Variants in LRIG2 observed in about 807,000 individuals in gnomAD.
LRIG2 encodes the protein leucine rich repeats and immunoglobulin like domains 2.
Under a neutral mutation model 107.8 loss-of-function variants are expected in LRIG2, and 93 were observed. The observed-to-expected ratio is 0.86, with a 90% CI of 0.73 to 1.03. LRIG2 has a LOEUF of 1.03. Among genes scored for constraint, LRIG2 ranks in the 50% least tolerant of loss-of-function variants. The pLI, the probability that LRIG2 is intolerant of heterozygous loss-of-function variation, is 0.00. For missense variants in LRIG2, 1,226 were observed against 1,296.0 expected, an observed-to-expected ratio of 0.95 and a Z score of 0.83; for synonymous variants, 471 against 470.6, an observed-to-expected ratio of 1.00 and a Z score of -0.01.
At position 113,109,231 on chromosome 1, in the gene LRIG2, G is replaced by A. The variant is rs1028370550; in HGVS notation, c.1478-1011G>A. Among the ~76,000 whole-genome samples, 9 of 152,076 alleles carry A rather than the reference G, an allele frequency of 5.9e-5. No homozygotes were observed. The East Asian group carries it at 1.7e-3, about 29-fold the overall frequency. On this transcript the variant is annotated intron_variant, in intron 12 of 17. Transcript: ENST00000361127. Reference sequence around the variant, plus strand: ...CCCCTTCCACTTAACTGCTTTTATGGCACAATGAAATGTTATCCAGTGGAG... The same window carrying A: ...CCCCTTCCACTTAACTGCTTTTATGACACAATGAAATGTTATCCAGTGGAG...
chr1:113,121,410 C>T (rs540945460), intron 17 of LRIG2, among the ~76,000 whole-genome samples: 8 of 152,130 alleles, frequency 5.3e-5, no homozygotes, highest in Non-Finnish European at 7.4e-5. Context: ...CATCAGCTTT[C>T]ATCCTTCTGT....
Position 113,100,444 on chromosome 1 carries a change from G to T in LRIG2, c.1269G>T (p.Met423Ile). 1 of 1,539,918 alleles carries T rather than the reference G, an allele frequency of 6.5e-7. No homozygotes were observed. Among genetic ancestry groups the T allele is most frequent in the Non-Finnish European group, 8.9e-7 (1 of 1,117,518 alleles). ...GAGATTTGAACAATAATGCTATAAT[G>T]TCTATCCAAGAAAATGCTTTTTCTC... ...EHLDLNNNAI[M>I]SIQENAFSQT... Residue 423 changes from methionine to isoleucine, a missense_variant, in exon 11 of 18, where the codon ATG becomes ATT. By Grantham distance (10) the Met-to-Ile change is conservative. Around this residue, in one of 3 missense-constraint regions of LRIG2, gnomAD observed 570 missense variants for 550.2 expected, o/e 1.04. Coordinates refer to ENST00000361127, the MANE Select transcript of LRIG2 (RefSeq NM_014813.3).
chr1:113,110,990 TTGTG>T (rs71087153), intron 13 of LRIG2, among the ~76,000 whole-genome samples: 2 of 149,632 alleles, frequency 1.3e-5, no homozygotes, highest in Middle Eastern at 3.4e-3. Context: ...ACAGGATCAT[TTGTG>T]TGTGTGTGTG....
intron 1 of LRIG2, among the ~76,000 whole-genome samples, chr1:113,090,695 G>A (rs1048841615): frequency 9.3e-5 from 14 of 151,252 alleles, no homozygotes; most frequent in Admixed American, 7.2e-4. Context: ...AAAATTAGCC[G>A]GGCGTGGTGG....
In LRIG2 at chr1:113,119,370, C is replaced by T; in HGVS notation, c.2818C>T (p.Gln940Ter). The stretch of plus-strand genomic sequence containing the variant: ...TCAGACACTGTCCAGCCTCATGGTC[C>T]AAATGCCTAAAGAGACATATTTAGT... ...LDQTLSSLMV[Q>*]MPKETYLVHP... The change falls in exon 17 of 18, where the codon CAA becomes TAA. Residue 940 changes from glutamine to a stop codon, truncating the protein, a stop_gained. Coordinates refer to ENST00000361127, the MANE Select transcript of LRIG2 (RefSeq NM_014813.3). LOFTEE classifies it high-confidence loss of function. The T allele has an allele frequency of 6.2e-7, 1 of 1,613,962 alleles. No homozygotes were observed. The highest frequency in any genetic ancestry group is 8.5e-7 in the Non-Finnish European group (1 of 1,180,010).
chr1:113,082,908 G>A (rs1380150706), intron 1 of LRIG2, among the ~76,000 whole-genome samples: 1 of 151,926 alleles, frequency 6.6e-6, no homozygotes, highest in Non-Finnish European at 1.5e-5. Flanking sequence ...CACCCACCTT[G>A]GCTTCCCAAA....
chr1:113,122,821 C>T (rs1202909952), intron 17 of LRIG2, among the ~76,000 whole-genome samples: 6 of 152,200 alleles, frequency 3.9e-5, no homozygotes, highest in Non-Finnish European at 7.3e-5. Context: ...TAACAAGATC[C>T]TCAAGTTATT....
At chr1:113,094,282 T>G in intron 4 of LRIG2, 57 bp from the exon 5 acceptor site, 1 of 1,358,784 alleles carries the variant, frequency 7.4e-7, no homozygotes, top group Non-Finnish European at 1.0e-6. Context: ...AGCTTTCTAG[T>G]GGTAGAATTT....
intron 1 of LRIG2, among the ~76,000 whole-genome samples, chr1:113,079,346 T>TA (rs141538883): frequency 0.29 from 36,122 of 123,040 alleles, 5,545 homozygotes; most frequent in South Asian, 0.38. Flanking sequence ...AGATCCTATT[T>TA]AAAAAAAAAA....
intron 11 of LRIG2, chr1:113,103,628 A>G (rs1030829992): frequency 3.9e-5 from 6 of 154,236 alleles, no homozygotes; most frequent in African/African-American, 1.4e-4. Context: ...TGTGACTCCG[A>G]TAGGATCAGA....
intron 17 of LRIG2, among the ~76,000 whole-genome samples, chr1:113,121,338 CTCTT>C (rs1655244911): frequency 6.6e-6 from 1 of 152,178 alleles, no homozygotes; most frequent in African/African-American, 2.4e-5. Context: ...TGAAACAAAA[CTCTT>C]TCTAAATCAT....
At chr1:113,119,634 T>C in intron 17 of LRIG2, 111 bp downstream of exon 17, 1 of 877,188 alleles carries the variant, frequency 1.1e-6, no homozygotes, top group Non-Finnish European at 1.7e-6. Context: ...GATGGGTATA[T>C]AGGAGTAACT....
At chr1:113,080,949 T>G (rs1653252504) in intron 1 of LRIG2, among the ~76,000 whole-genome samples, 1 of 150,440 alleles carries the variant, frequency 6.6e-6, no homozygotes, top group South Asian at 2.1e-4. Flanking sequence ...GTTCAAGGGA[T>G]TCTCCTGCCT....
chr1:113,092,329 C>G (rs942554688), intron 2 of LRIG2, among the ~76,000 whole-genome samples: 3 of 152,150 alleles, frequency 2.0e-5, no homozygotes, highest in African/African-American at 4.8e-5. Flanking sequence ...AGATTTGCTA[C>G]TAAAACATTT....
In LRIG2 at chr1:113,073,637, C is replaced by T. The variant is rs1466614350; in HGVS notation, c.231C>T (p.Thr77=). The T allele has an allele frequency of 7.4e-6, 12 of 1,612,270 alleles. No individual in the cohort carries two copies. The highest frequency in any genetic ancestry group is 1.0e-5 in the Non-Finnish European group (12 of 1,179,860). The change falls in exon 1 of 18, where the codon ACC becomes ACT. Residue 77 remains threonine, a synonymous_variant. Coordinates refer to ENST00000361127, the MANE Select transcript of LRIG2 (RefSeq NM_014813.3). ...RALSGLLPPD[T]AILDFSHNRL... ...TGTCGGGCTTGCTGCCCCCCGACAC[C>T]GCTATCCTGTGAGTAGAGCGGCCAG...
At chr1:113,093,362 C>A in intron 3 of LRIG2, 68 bp from the exon 4 acceptor site, 2 of 1,568,380 alleles carry the variant, frequency 1.3e-6, no homozygotes, top group Non-Finnish European at 1.7e-6. Flanking sequence ...ATTGTTGATT[C>A]TAATTAACAT....
intron 13 of LRIG2, among the ~76,000 whole-genome samples, chr1:113,111,770 T>G (rs1191922149): frequency 3.3e-5 from 5 of 152,300 alleles, no homozygotes; most frequent in African/African-American, 1.2e-4. Context: ...GGCATAAGTT[T>G]TTTTAGCATG....
chr1:113,108,254 T>C (rs1004395191), intron 12 of LRIG2, among the ~76,000 whole-genome samples: 8 of 151,420 alleles, frequency 5.3e-5, no homozygotes, highest in Admixed American at 3.9e-4. Flanking sequence ...AATGGAGTCT[T>C]GCTGCGTCAC....
Position 113,089,883 on chromosome 1 carries a change from A to G in LRIG2, c.240-1435A>G, listed in dbSNP as rs368750117. On this transcript the variant is annotated intron_variant, in intron 1 of 17. Coordinates refer to ENST00000361127, the MANE Select transcript of LRIG2 (RefSeq NM_014813.3). ...AATTTTTTTTGTATTTTTAGTAGAGATGGATTTCACTATGTTGGCCAGGCT... is the reference window on the plus strand; with the variant it reads ...AATTTTTTTTGTATTTTTAGTAGAGGTGGATTTCACTATGTTGGCCAGGCT... Among the ~76,000 whole-genome samples the G allele has an allele frequency of 2.6e-3, 395 of 150,998 alleles. 2 individuals are homozygous for G. Among genetic ancestry groups the G allele is most frequent in the African/African-American group, 9.1e-3 (373 of 41,194 alleles).
Sources: allele counts gnomAD v4.1 joint callset (sites outside exome capture counted in the v4.1 genomes callset), GRCh38; gene constraint gnomAD v4.1.1; regional missense constraint gnomAD v4.1.1; transcripts MANE v1.5; gene names NCBI Gene and HGNC (gene_info 2026-07-23, HGNC 2026-07-21).